TBC1D32: variants seen among roughly 807,000 people sequenced by gnomAD.
TBC1D32 encodes the protein protein broad-minded.
In TBC1D32, 151 loss-of-function variants were observed where a neutral mutation model predicts 170.3. That is an observed-to-expected ratio of 0.89 (90% CI 0.78 to 1.01). TBC1D32 has a LOEUF of 1.01. TBC1D32 is among the 50% of genes least tolerant of loss of function. The probability of loss-of-function intolerance (pLI) is 0.00; values close to 1 mark genes in which losing one functional copy is unlikely to be tolerated. For missense variants in TBC1D32, 1,464 were observed against 1,457.1 expected (o/e 1.00, Z -0.08); for synonymous variants, 498 against 488.0 (o/e 1.02, Z -0.27).
intron 13 of TBC1D32, among the ~76,000 whole-genome samples, chr6:121,282,898 AG>A (rs1318210086): frequency 2.0e-5 from 3 of 151,864 alleles, no homozygotes; most frequent in African/African-American, 7.2e-5. Context: ...GACAGAAAAA[AG>A]TCTGAGAACC....
chr6:121,242,146 A>T, intron 18 of TBC1D32, 55 bp downstream of exon 18: 1 of 1,562,364 alleles, frequency 6.4e-7, no homozygotes, highest in Non-Finnish European at 8.7e-7. Flanking sequence ...GATGTTCTTA[A>T]TGGCTTTTAA....
In TBC1D32 at chr6:121,315,066, G is replaced by A. The variant is rs79716060; in HGVS notation, c.495+2429C>T. Among the ~76,000 whole-genome samples the A allele has an allele frequency of 9.3e-3, 1,414 of 152,282 alleles. 26 individuals carry two copies. The highest frequency in any genetic ancestry group is 0.032 in the African/African-American group (1,336 of 41,544). On this transcript the variant is annotated intron_variant, in intron 3 of 31. Transcript: ENST00000398212. ...TAAGAAATTTGTCCAAGGCCACATC[G>A]CTGGTAAGCGGTGGAACCATAACTT...
chr6:121,220,814 T>A (rs1013933723), intron 21 of TBC1D32, among the ~76,000 whole-genome samples: 2 of 151,928 alleles, frequency 1.3e-5, no homozygotes, highest in Admixed American at 6.6e-5. Context: ...CTAATTTTTG[T>A]ATTTTTACTA....
chr6:121,104,430 C>T (rs1322915027), intron 30 of TBC1D32, among the ~76,000 whole-genome samples: 1 of 151,572 alleles, frequency 6.6e-6, no homozygotes, highest in Admixed American at 6.6e-5. Context: ...CTCTAATAGA[C>T]TCTACTTAAC....
In TBC1D32 at chr6:121,198,259, T is replaced by TAA. The variant is rs1791077769; in HGVS notation, c.2570+6814_2570+6815dup. Reference sequence around the variant, plus strand: ...TAAATATATATATTATATATATATATAATATATATATATAATATACACACA... The same window carrying TAA: ...TAAATATATATATTATATATATATATAAAATATATATATATAATATACACACA... On this transcript the variant is annotated intron_variant, in intron 22 of 31. Transcript: ENST00000398212. 5.0e-5 allele frequency among the ~76,000 whole-genome samples: 7 copies of TAA among 139,620 alleles called. 1 individual carries two copies. Among genetic ancestry groups the TAA allele is most frequent in the African/African-American group, 1.9e-4 (7 of 37,194 alleles). The allele number at this position is 139,620 out of a possible 152,430, so 91.6% of individuals were successfully genotyped here.
chr6:121,315,710 T>A (rs1203870156), intron 3 of TBC1D32, among the ~76,000 whole-genome samples: 2 of 152,084 alleles, frequency 1.3e-5, no homozygotes, highest in Non-Finnish European at 2.9e-5. Flanking sequence ...ATTGTCAATA[T>A]TTATTGGAAT....
chr6:121,144,957 G>A (rs1396505545), intron 24 of TBC1D32, among the ~76,000 whole-genome samples: 1 of 152,194 alleles, frequency 6.6e-6, no homozygotes, highest in African/African-American at 2.4e-5. Flanking sequence ...TCAAAAAAGA[G>A]GGCAGGTTTG....
chr6:121,208,723 CA>C (rs1167325793), intron 21 of TBC1D32, among the ~76,000 whole-genome samples: 1 of 20,314 alleles, frequency 4.9e-5, no homozygotes, highest in Non-Finnish European at 4.7e-4. Context: ...AGACACGAAA[CA>C]CCTGGAAAAA....
intron 12 of TBC1D32, among the ~76,000 whole-genome samples, chr6:121,284,476 T>C (rs1233883774): frequency 6.6e-6 from 1 of 152,160 alleles, no homozygotes; most frequent in Non-Finnish European, 1.5e-5. Flanking sequence ...TTAATGTATA[T>C]TTCTTACATA....
intron 17 of TBC1D32, among the ~76,000 whole-genome samples, chr6:121,247,743 A>G (rs1439552730): frequency 6.6e-6 from 1 of 150,748 alleles, no homozygotes; most frequent in Non-Finnish European, 1.5e-5. Context: ...TTATACAATA[A>G]TGGATTAGTA....
At chr6:121,205,191 T>C in intron 21 of TBC1D32, 28 bp from the exon 22 acceptor site, 1 of 1,076,998 alleles carries the variant, frequency 9.3e-7, no homozygotes, top group South Asian at 1.7e-5. Flanking sequence ...AATGAGACTG[T>C]ATTTAACTGA....
chr6:121,168,280 G>T (rs1583045999), intron 22 of TBC1D32, among the ~76,000 whole-genome samples: 2 of 136,746 alleles, frequency 1.5e-5, no homozygotes, highest in Non-Finnish European at 3.1e-5. Context: ...TATTGCGGCA[G>T]TATTCACTAT....
intron 26 of TBC1D32, among the ~76,000 whole-genome samples, chr6:121,119,060 C>T (rs552479356): frequency 2.6e-5 from 4 of 152,212 alleles, no homozygotes; most frequent in African/African-American, 9.6e-5. Context: ...TCTCTATTAA[C>T]GCTTCCTCCT....
At chr6:121,190,418 T>C (rs1341417994) in intron 22 of TBC1D32, among the ~76,000 whole-genome samples, 3 of 120,476 alleles carry the variant, frequency 2.5e-5, no homozygotes, top group Non-Finnish European at 1.7e-5. Context: ...ACATCCACTC[T>C]CTCTACCCCC....
intron 24 of TBC1D32, among the ~76,000 whole-genome samples, chr6:121,135,327 A>C (rs2128220895): frequency 6.6e-6 from 1 of 152,310 alleles, no homozygotes; most frequent in East Asian, 1.9e-4. Context: ...TCAGGAAAAA[A>C]AGAATATTAA....
At chr6:121,331,443 C>G (rs4305755) in intron 1 of TBC1D32, among the ~76,000 whole-genome samples, 130,604 of 151,180 alleles carry the variant, frequency 0.86, 58,054 homozygotes, top group South Asian at 0.98. Flanking sequence ...TGGTCTTGAA[C>G]TCCTGAACTC....
At chr6:121,310,681 A>T (rs1339012673) in intron 4 of TBC1D32, 98 bp downstream of exon 4, 8 of 779,488 alleles carry the variant, frequency 1.0e-5, no homozygotes, top group Non-Finnish European at 1.5e-5. Context: ...ATAAAGGCTT[A>T]GCCTCAAGGG....
chr6:121,263,424 C>T (rs1800035834), intron 15 of TBC1D32, among the ~76,000 whole-genome samples: 1 of 152,106 alleles, frequency 6.6e-6, no homozygotes, highest in Non-Finnish European at 1.5e-5. Flanking sequence ...AATATAGGAG[C>T]ACCCAGTTTG....
intron 24 of TBC1D32, among the ~76,000 whole-genome samples, chr6:121,156,235 A>G (rs1285446878): frequency 6.6e-6 from 1 of 151,702 alleles, no homozygotes; most frequent in African/African-American, 2.4e-5. Flanking sequence ...TCCTGGTTCA[A>G]TCTTAGGATA....
Sources: allele counts gnomAD v4.1 joint callset (sites outside exome capture counted in the v4.1 genomes callset), GRCh38; gene constraint gnomAD v4.1.1; transcripts MANE v1.5; gene names NCBI Gene and HGNC (gene_info 2026-07-23, HGNC 2026-07-21).